The following MACF1 variants were observed in gnomAD, a reference collection of about 807,000 sequenced individuals.
MACF1 encodes the protein microtubule actin crosslinking factor 1, also known as microtubule-actin cross-linking factor 1.
Under a neutral mutation model 854.8 loss-of-function variants are expected in MACF1, and 193 were observed. The ratio of observed to expected loss-of-function variants is 0.23; its 90% CI spans 0.20 to 0.25. MACF1 has a LOEUF of 0.25. Among genes scored for constraint, MACF1 ranks in the 10% least tolerant of loss-of-function variants. The pLI is 1.00. For synonymous variants in MACF1, 3,185 were observed against 3,226.7 expected (o/e 0.99, Z 0.44); for missense variants, 7,722 against 8,929.1 (o/e 0.86, Z 5.45).
At chr1:39,214,674 G>T (rs1216108187) in intron 1 of MACF1, among the ~76,000 whole-genome samples, 1 of 152,234 alleles carries the variant, frequency 6.6e-6, no homozygotes, top group Non-Finnish European at 1.5e-5. Flanking sequence ...AATCACTGGG[G>T]AGTTACTGAC....
chr1:39,104,411 C>T (rs1642167733), intron 2 of MACF1, among the ~76,000 whole-genome samples: 1 of 152,214 alleles, frequency 6.6e-6, no homozygotes, highest in Non-Finnish European at 1.5e-5. Flanking sequence ...TCTTTCCTTT[C>T]CCCTGATGAC....
At chr1:39,310,696 A>C in intron 25 of MACF1, 135 bp from the exon 26 acceptor site, 1 of 908,074 alleles carries the variant, frequency 1.1e-6, no homozygotes, top group Non-Finnish European at 1.6e-6. Flanking sequence ...ATTAGTATAC[A>C]GTATGTGAAA....
chr1:39,357,146 G>A (rs968409048), intron 44 of MACF1, among the ~76,000 whole-genome samples: 1 of 152,154 alleles, frequency 6.6e-6, no homozygotes, highest in African/African-American at 2.4e-5. Flanking sequence ...AAATTAAAGG[G>A]CTATACCTAA....
At chr1:39,410,320 G>A in intron 58 of MACF1, 1 of 1,612,930 alleles carries the variant, frequency 6.2e-7, no homozygotes, top group Non-Finnish European at 8.5e-7. Context: ...CAGCTGCCTG[G>A]GGAAAGGAGA....
At chr1:39,137,909 A>T (rs1643224784) in intron 2 of MACF1, among the ~76,000 whole-genome samples, 1 of 151,830 alleles carries the variant, frequency 6.6e-6, no homozygotes, top group Non-Finnish European at 1.5e-5. Flanking sequence ...CCCCATCTCT[A>T]CTAAAAATAC....
chr1:39,457,355 C>T (rs1644462001), intron 89 of MACF1: 1 of 152,386 alleles, frequency 6.6e-6, no homozygotes, highest in Admixed American at 6.5e-5. Flanking sequence ...CCTCTTGGTT[C>T]CATCTTTCCT....
chr1:39,466,535 G>A (rs903926378), intron 95 of MACF1, among the ~76,000 whole-genome samples: 42 of 152,222 alleles, frequency 2.8e-4, no homozygotes, highest in Middle Eastern at 3.4e-3. Flanking sequence ...ATTCACCCTG[G>A]GGTACACACA....
chr1:39,315,931 C>T (rs191620642), intron 27 of MACF1, among the ~76,000 whole-genome samples: 45 of 152,246 alleles, frequency 3.0e-4, no homozygotes, highest in African/African-American at 1.1e-3. Context: ...CTATGATTTA[C>T]CTCACTTCTG....
In MACF1 at chr1:39,233,698, T is replaced by TC. The variant is rs541468702; in HGVS notation, c.171+2456dup. Among the ~76,000 whole-genome samples the TC allele has an allele frequency of 2.0e-3, 303 of 151,822 alleles. 2 individuals are homozygous for TC. The highest frequency in any genetic ancestry group is 7.1e-3 in the African/African-American group (293 of 41,464). ...ATAAGGAGGCAGTGATAGAGCCTTT[T>TC]CTTGGATTCTTGCCTAAGCCAAAGG... On this transcript the variant is annotated intron_variant, in intron 2 of 100. Transcript: ENST00000564288.
chr1:39,374,354 C>G (rs1380578434), intron 52 of MACF1, among the ~76,000 whole-genome samples: 1 of 152,224 alleles, frequency 6.6e-6, no homozygotes, highest in Non-Finnish European at 1.5e-5. Flanking sequence ...CTCCTATAGT[C>G]ACTTAACGAG....
At chr1:39,380,415 G>A in intron 55 of MACF1, 42 bp downstream of exon 55, 1 of 1,582,024 alleles carries the variant, frequency 6.3e-7, no homozygotes. Flanking sequence ...TAAGTTACTT[G>A]TCTTCAAAGC....
intron 6 of MACF1, among the ~76,000 whole-genome samples, chr1:39,261,908 CA>C (rs1410952422): frequency 6.6e-6 from 1 of 152,180 alleles, no homozygotes; most frequent in African/African-American, 2.4e-5. Context: ...TATCATTTTA[CA>C]TTCCTACCAG....
rs780670626 is a variant in MACF1, at chr1:39,360,957, T to A, written c.12409T>A (p.Ser4137Thr). 4.3e-5 allele frequency: 70 copies of A among 1,613,954 alleles called. No individual in the cohort carries two copies. The highest frequency in any genetic ancestry group is 1.6e-4 in the Middle Eastern group (1 of 6,084). The change falls in exon 48 of 101, where the codon TCA becomes ACA. Residue 4137 changes from serine to threonine, a missense_variant. Around this residue, in one of 15 missense-constraint regions of MACF1, gnomAD observed 2,807 missense variants for 3,235.8 expected, o/e 0.87. Transcript: ENST00000564288. ...AAACCTGGAAGGGAAGCAGGTGTCA[T>A]CACTCTCATCAGGAGTCATCCAGGA... Reference protein sequence around the residue: ...EQNLEGKQVSSLSSGVIQEAL... With the variant: ...EQNLEGKQVSTLSSGVIQEAL...
intron 2 of MACF1, among the ~76,000 whole-genome samples, chr1:39,149,126 G>A (rs1486790491): frequency 6.6e-6 from 1 of 152,320 alleles, no homozygotes; most frequent in South Asian, 2.1e-4. Context: ...GAATGCCGGA[G>A]AGAGTGACTC....
chr1:39,199,940 A>G (rs886117137), upstream of MACF1, among the ~76,000 whole-genome samples: 1 of 152,210 alleles, frequency 6.6e-6, no homozygotes, highest in African/African-American at 2.4e-5. Flanking sequence ...TTCACATATC[A>G]AGAATTCTCT....
rs1239805694 is a variant in MACF1, at chr1:39,477,102, CAT to C, written c.21959-2690_21959-2689del. Reference sequence around the variant, plus strand: ...ATATATATATATATACACACACACACATATATACACTTAGTGTATATATATAT... The same window carrying C: ...ATATATATATATATACACACACACACATATACACTTAGTGTATATATATAT... On this transcript the variant is annotated intron_variant, in intron 97 of 100. Transcript: ENST00000564288. Among the ~76,000 whole-genome samples the C allele has an allele frequency of 3.2e-4, 36 of 112,888 alleles. 2 individuals are homozygous for C. Among genetic ancestry groups the C allele is most frequent in the East Asian group, 7.4e-4 (3 of 4,044 alleles). The allele number at this position is 112,888 out of a possible 152,430, so 74.1% of individuals were successfully genotyped here.
rs1012131987 is a variant in MACF1 at position 39,388,790 on chromosome 1, A to G, written c.15816+132A>G. The stretch of plus-strand genomic sequence containing the variant: ...GTCACTTCCATCACCATGAAAGCAC[A>G]CTGTCTGAAGACTAAATAGTCTCTC... On this transcript the variant is annotated intron_variant, in intron 58 of 100. Transcript: ENST00000564288. The G allele has an allele frequency of 1.1e-5, 9 of 804,434 alleles. No individual in the cohort carries two copies. The African/African-American group carries it at 1.4e-4, about 13-fold the overall frequency. The allele number at this position is 804,434 out of a possible 1,614,324, so 49.8% of individuals were successfully genotyped here. A position where few individuals can be genotyped will look rare whatever the true frequency, so the allele number is the denominator to read the frequency against.
intron 58 of MACF1, chr1:39,412,023 C>T: frequency 6.2e-7 from 1 of 1,613,940 alleles, no homozygotes; most frequent in Admixed American, 1.7e-5. Context: ...AATTTAAGTC[C>T]AGACAGCCAG....
chr1:39,282,518 C>A, intron 7 of MACF1, 144 bp downstream of exon 7: 1 of 1,000,828 alleles, frequency 1.0e-6, no homozygotes, highest in Non-Finnish European at 1.4e-6. Flanking sequence ...ATTTATTTAA[C>A]TACTTTTCTA....
Sources: gnomAD v4.1 joint callset for allele counts (sites outside exome capture counted in the v4.1 genomes callset) on GRCh38, gnomAD v4.1.1 for gene constraint, gnomAD v4.1.1 regional missense constraint, MANE v1.5 for transcripts, NCBI Gene and HGNC (gene_info 2026-07-23, HGNC 2026-07-21) for gene names.